COPA: variants seen among roughly 807,000 people sequenced by gnomAD.
COPA encodes the protein coatomer subunit alpha.
In COPA, 10 loss-of-function variants were observed where a neutral mutation model predicts 158.7. The observed-to-expected ratio is 0.06, with a 90% confidence interval of 0.04 to 0.11. The LOEUF (loss-of-function observed/expected upper bound fraction) is 0.11. COPA is among the 10% of genes least tolerant of loss of function. The pLI, the probability that COPA is intolerant of heterozygous loss-of-function variation, is 1.00. For synonymous variants in COPA, 462 were observed against 542.8 expected, an observed-to-expected ratio of 0.85 and a Z score of 2.07; for missense variants, 1,065 against 1,536.7, an observed-to-expected ratio of 0.69 and a Z score of 5.13.
intron 8 of COPA, among the ~76,000 whole-genome samples, chr1:160,318,184 G>C (rs964513642): frequency 2.0e-5 from 3 of 152,128 alleles, no homozygotes; most frequent in African/African-American, 7.2e-5. Flanking sequence ...TGGACCAAAA[G>C]AAGAGGAATA....
At chr1:160,333,520 G>A in intron 5 of COPA, 83 bp downstream of exon 5, 2 of 960,210 alleles carry the variant, frequency 2.1e-6, no homozygotes, top group South Asian at 1.5e-5. Context: ...TTTGAGAAGG[G>A]AGAAGATTGT....
Position 160,292,083 on chromosome 1 carries a change from C to T in COPA, c.3076G>A (p.Val1026Met). ...AGAAGGATGGAACGGAATTTTTCCA[C>T]AGCCTCCTCAAATTTGCCAACTGTG... Reference protein sequence around the residue: ...LTTVGKFEEAVEKFRSILLSV... With the variant: ...LTTVGKFEEAMEKFRSILLSV... The change falls in exon 29 of 33, where the codon GTG becomes ATG. Residue 1026 changes from valine (V) to methionine (M), a missense_variant. Physicochemically the swap from Val to Met is conservative, Grantham distance 21. This residue lies in a region of COPA where 980 missense variants were observed against 1,357.8 expected (regional missense o/e 0.72). Coordinates refer to ENST00000241704, the MANE Select transcript of COPA (RefSeq NM_004371.4). The T allele has an allele frequency of 1.2e-6, 2 of 1,614,230 alleles. No individual in the cohort carries two copies. Among genetic ancestry groups the T allele is most frequent in the Non-Finnish European group, 1.7e-6 (2 of 1,180,046 alleles).
At chr1:160,327,237 T>C (rs948147439) in intron 6 of COPA, among the ~76,000 whole-genome samples, 3 of 152,190 alleles carry the variant, frequency 2.0e-5, no homozygotes, top group African/African-American at 2.4e-5. Flanking sequence ...AAAACTCTCA[T>C]TGAAAATAAA....
In COPA at chr1:160,291,462, G is replaced by C; in HGVS notation, c.3293C>G (p.Pro1098Arg). The change falls in exon 31 of 33, where the codon CCT (proline) becomes CGT (arginine). Residue 1098 changes from proline (P) to arginine (R), a missense_variant. By Grantham distance (103) the Pro-to-Arg change is moderately radical. Coordinates refer to ENST00000241704, the MANE Select transcript of COPA (RefSeq NM_004371.4). ...ACGCAGCACCAGGATCATGTGCACAGGCTGCAGGTTTGAGTGGGTGAAATA... is the reference window on the plus strand; with the variant it reads ...ACGCAGCACCAGGATCATGTGCACACGCTGCAGGTTTGAGTGGGTGAAATA... ...AAYFTHSNLQ[P>R]VHMILVLRTA... The C allele has an allele frequency of 5.6e-6, 9 of 1,614,134 alleles. No individual in the cohort carries two copies. Among genetic ancestry groups the C allele is most frequent in the Non-Finnish European group, 7.6e-6 (9 of 1,180,002 alleles).
At chr1:160,308,939 T>A (rs1571161243) in intron 13 of COPA, 162 bp downstream of exon 13, 4 of 582,956 alleles carry the variant, frequency 6.9e-6, no homozygotes, top group Non-Finnish European at 1.2e-5. Context: ...CATGAATATT[T>A]CACACCATGG....
chr1:160,299,415 C>A, intron 17 of COPA, 151 bp from the exon 18 acceptor site: 1 of 672,664 alleles, frequency 1.5e-6, no homozygotes, highest in Non-Finnish European at 2.4e-6. Context: ...AACTAAATGC[C>A]AAATTTATCA....
chr1:160,293,553 G>C, intron 25 of COPA, 90 bp from the exon 26 acceptor site: 1 of 1,022,368 alleles, frequency 9.8e-7, no homozygotes. Context: ...GGAGTACAGA[G>C]GCATGATCTC....
intron 32 of COPA, 39 bp downstream of exon 32, chr1:160,290,450 TCGC>T: frequency 6.3e-7 from 1 of 1,582,620 alleles, no homozygotes; most frequent in Non-Finnish European, 8.6e-7. Flanking sequence ...TTTTTCCCCT[TCGC>T]TCAATATCCT....
intron 5 of COPA, 129 bp downstream of exon 5, chr1:160,333,474 A>G: frequency 1.7e-6 from 1 of 603,304 alleles, no homozygotes; most frequent in Non-Finnish European, 2.8e-6. Context: ...AGCATCCTAC[A>G]AATACAATCA....
intron 21 of COPA, 97 bp from the exon 22 acceptor site, chr1:160,296,246 C>G (rs1340013442): frequency 1.0e-6 from 1 of 983,346 alleles, no homozygotes; most frequent in Non-Finnish European, 1.6e-6. Flanking sequence ...ATCCCTGACT[C>G]CTGGTATTCA....
chr1:160,290,795 G>A lies in COPA; in HGVS notation c.3421-109C>T, dbSNP rs532856702. ...CGTTGATGTGAGACACAACTGTACT[G>A]CGTGAAAAGAGGTCCCAACCTCTGT... On this transcript the variant is annotated intron_variant, in intron 31 of 32. Transcript: ENST00000241704. 56 of 1,030,160 alleles carry A rather than the reference G, an allele frequency of 5.4e-5. 1 individual carries two copies. The South Asian group carries it at 7.7e-4, about 14-fold the overall frequency. 63.8% of individuals were successfully genotyped at this position (1,030,160 alleles called of 1,614,324 possible). A position where few individuals can be genotyped will look rare whatever the true frequency, so the allele number is the denominator to read the frequency against.
chr1:160,313,704 C>T (rs896979151), intron 9 of COPA, among the ~76,000 whole-genome samples: 21 of 152,290 alleles, frequency 1.4e-4, no homozygotes, highest in African/African-American at 3.6e-4. Flanking sequence ...TGAGCCACCG[C>T]GCCCGGCCTC....
At chr1:160,313,060 A>T in intron 10 of COPA, 25 bp downstream of exon 10, 2 of 1,602,872 alleles carry the variant, frequency 1.2e-6, no homozygotes, top group South Asian at 1.1e-5. Flanking sequence ...TTAAGCAAAG[A>T]AAAAAGAGAG....
At chr1:160,333,965 ATGTGTG>A (rs59237821) in intron 4 of COPA, among the ~76,000 whole-genome samples, 51 of 151,024 alleles carry the variant, frequency 3.4e-4, no homozygotes, top group African/African-American at 1.1e-3. Context: ...TTACTTCTAT[ATGTGTG>A]TGTGTGTGTG....
In COPA at chr1:160,321,470, C is replaced by T. The variant is rs569724945; in HGVS notation, c.706+1961G>A. 3.0e-4 allele frequency among the ~76,000 whole-genome samples: 46 copies of T among 152,196 alleles called. 1 individual carries two copies. The highest frequency in any genetic ancestry group is 2.1e-3 in the Admixed American group (32 of 15,284). On this transcript the variant is annotated intron_variant, in intron 8 of 32. Coordinates refer to ENST00000241704, the MANE Select transcript of COPA (RefSeq NM_004371.4). The stretch of plus-strand genomic sequence containing the variant: ...CAAAATGATAAATTCAGTCCAGCTG[C>T]GGGATACAAAATCAACATACAAAAA...
At chr1:160,341,779 A>G (rs1456002000) in intron 1 of COPA, among the ~76,000 whole-genome samples, 1 of 151,398 alleles carries the variant, frequency 6.6e-6, no homozygotes, top group African/African-American at 2.4e-5. Flanking sequence ...AACATTTACA[A>G]TTTTTCTTCT....
rs1419177728 is a variant in COPA at position 160,333,663 on chromosome 1, A to T, written c.326T>A (p.Leu109Gln). The T allele has an allele frequency of 6.2e-7, 1 of 1,612,692 alleles. No homozygotes were observed. Among genetic ancestry groups the T allele is most frequent in the Non-Finnish European group, 8.5e-7 (1 of 1,179,082 alleles). The change falls in exon 5 of 33, where the codon CTG becomes CAG. Residue 109 changes from leucine (L) to glutamine (Q), a missense_variant. Transcript: ENST00000241704. Reference protein sequence around the residue: ...TFFHHEYPWILSASDDQTIRV... With the variant: ...TFFHHEYPWIQSASDDQTIRV... ...GATGGTCTGATCATCGGAGGCACTC[A>T]GAATCCAGGGATATTCCTGAAAGAT... is the stretch of plus-strand genomic sequence containing the variant.
chr1:160,290,688 TA>T lies in COPA; in HGVS notation c.3421-3del. On this transcript the variant is annotated splice_region_variant and splice_polypyrimidine_tract_variant and intron_variant, in intron 31 of 32. Transcript: ENST00000241704. ...ACAGGCAGACAGGATTTTTCGGGTCTAGGGGAAGGAAGGAGTATTTAGGAGG... is the reference window on the plus strand; with the variant it reads ...ACAGGCAGACAGGATTTTTCGGGTCTGGGGAAGGAAGGAGTATTTAGGAGG... 1 of 1,613,858 alleles carries T rather than the reference TA, an allele frequency of 6.2e-7. No individual in the cohort carries two copies.
chr1:160,323,233 T>A (rs548259943), intron 8 of COPA, among the ~76,000 whole-genome samples, 198 bp downstream of exon 8: 31 of 152,092 alleles, frequency 2.0e-4, no homozygotes, highest in Non-Finnish European at 3.5e-4. Context: ...TATAAATATA[T>A]TTATTACCAC....
Sources: allele counts gnomAD v4.1 joint callset (sites outside exome capture counted in the v4.1 genomes callset), GRCh38; gene constraint gnomAD v4.1.1; regional missense constraint gnomAD v4.1.1; transcripts MANE v1.5; gene names NCBI Gene and HGNC (gene_info 2026-07-23, HGNC 2026-07-21).